The following ADAMTSL1 variants were observed in gnomAD, a reference collection of about 807,000 sequenced individuals.
ADAMTSL1 encodes the protein ADAMTS-like protein 1.
In ADAMTSL1, 126 loss-of-function variants were observed where a neutral mutation model predicts 201.8. The ratio of observed to expected loss-of-function variants is 0.62; its 90% CI spans 0.54 to 0.72. The LOEUF (loss-of-function observed/expected upper bound fraction) is 0.72, where lower values mean the gene tolerates loss of function less well. Among genes scored for constraint, ADAMTSL1 ranks in the 30% least tolerant of loss-of-function variants. The pLI is 0.00. For missense variants in ADAMTSL1, 2,679 were observed against 2,277.8 expected (o/e 1.18, Z -3.59); for synonymous variants, 1,121 against 903.4 (o/e 1.24, Z -4.32).
chr9:18,095,486 G>A (rs1824210333), intron 1 of ADAMTSL1, among the ~76,000 whole-genome samples: 1 of 140,320 alleles, frequency 7.1e-6, no homozygotes, highest in African/African-American at 2.6e-5. Flanking sequence ...GCAGTGGCAC[G>A]ATTTTGGCTT....
chr9:18,389,345 A>C (rs1837948550), intron 2 of ADAMTSL1, among the ~76,000 whole-genome samples: 1 of 152,200 alleles, frequency 6.6e-6, no homozygotes, highest in East Asian at 1.9e-4. Flanking sequence ...TAATGTACAT[A>C]ACTCAATGTC....
At chr9:18,796,971 C>T (rs531505506) in intron 20 of ADAMTSL1, among the ~76,000 whole-genome samples, 3 of 152,298 alleles carry the variant, frequency 2.0e-5, no homozygotes, top group East Asian at 1.9e-4. Flanking sequence ...CTATCACAGA[C>T]TAAATGCCCT....
chr9:18,083,473 C>G (rs1823605986), intron 1 of ADAMTSL1, among the ~76,000 whole-genome samples: 1 of 152,162 alleles, frequency 6.6e-6, no homozygotes, highest in African/African-American at 2.4e-5. Flanking sequence ...ATACATCACC[C>G]AAGAAAAATG....
At chr9:18,267,672 C>T (rs1268033612) in intron 2 of ADAMTSL1, among the ~76,000 whole-genome samples, 12 of 150,810 alleles carry the variant, frequency 8.0e-5, no homozygotes, top group Non-Finnish European at 1.8e-4. Flanking sequence ...TCCCAACTCA[C>T]CTTTAATAAG....
At chr9:18,125,512 A>T (rs1825696066) in intron 1 of ADAMTSL1, among the ~76,000 whole-genome samples, 1 of 152,192 alleles carries the variant, frequency 6.6e-6, no homozygotes, top group African/African-American at 2.4e-5. Flanking sequence ...ATCCAAGGTC[A>T]TGAAAATTTA....
intron 4 of ADAMTSL1, among the ~76,000 whole-genome samples, chr9:18,589,748 T>C (rs574498972): frequency 6.6e-6 from 1 of 152,308 alleles, no homozygotes; most frequent in South Asian, 2.1e-4. Context: ...TTTCCTTCTA[T>C]ACCCAATTTG....
intron 2 of ADAMTSL1, among the ~76,000 whole-genome samples, chr9:18,383,594 G>A (rs1375270139): frequency 6.6e-6 from 1 of 152,108 alleles, no homozygotes; most frequent in Non-Finnish European, 1.5e-5. Context: ...ATGAATAACA[G>A]ATGTGAGGCT....
intron 2 of ADAMTSL1, among the ~76,000 whole-genome samples, chr9:18,199,298 G>C (rs529475679): frequency 6.6e-6 from 1 of 151,922 alleles, no homozygotes; most frequent in Non-Finnish European, 1.5e-5. Context: ...TTCTCTGTTA[G>C]GATAGTCTCA....
chr9:18,342,056 A>C (rs986343463), intron 2 of ADAMTSL1, among the ~76,000 whole-genome samples: 6 of 152,138 alleles, frequency 3.9e-5, no homozygotes, highest in Admixed American at 3.9e-4. Context: ...CCAAATAATG[A>C]ATTAGGTAAA....
intron 20 of ADAMTSL1, among the ~76,000 whole-genome samples, chr9:18,802,266 G>A (rs1032613253): frequency 2.0e-5 from 3 of 151,834 alleles, no homozygotes; most frequent in African/African-American, 7.3e-5. Context: ...GTAAGACCCT[G>A]TCTCCAAAAA....
chr9:17,959,403 T>G (rs987346477), intron 1 of ADAMTSL1, among the ~76,000 whole-genome samples: 1 of 152,160 alleles, frequency 6.6e-6, no homozygotes, highest in Non-Finnish European at 1.5e-5. Flanking sequence ...CTTTACTGGG[T>G]ATTTGAAATA....
rs1353751679 is a variant in ADAMTSL1 at position 17,953,070 on chromosome 9, CAT to C, written c.87+46152_87+46153del. Reference sequence around the variant, plus strand: ...TGGAATCACACTGACTGTTTACATTCATATAGGTAAAAATGACATGATACTGC... The same window carrying C: ...TGGAATCACACTGACTGTTTACATTCATAGGTAAAAATGACATGATACTGC... On this transcript the variant is annotated intron_variant, in intron 1 of 29. Coordinates refer to the ADAMTSL1 transcript ENST00000680146. Among the ~76,000 whole-genome samples the C allele has an allele frequency of 2.7e-5, 4 of 150,224 alleles. No homozygotes were observed. The East Asian group carries it at 7.9e-4, about 30-fold the overall frequency.
chr9:18,759,451 A>G (rs1229098063), intron 16 of ADAMTSL1, among the ~76,000 whole-genome samples: 1 of 152,246 alleles, frequency 6.6e-6, no homozygotes, highest in Non-Finnish European at 1.5e-5. Flanking sequence ...GCAGAGTCAC[A>G]TAGTAATCAG....
chr9:18,519,405 C>A (rs1445117246), intron 2 of ADAMTSL1, among the ~76,000 whole-genome samples: 1 of 152,198 alleles, frequency 6.6e-6, no homozygotes, highest in Non-Finnish European at 1.5e-5. Flanking sequence ...TCTCCCATCA[C>A]ATTCTTGGGA....
At chr9:18,450,697 T>C (rs1439327992) in intron 2 of ADAMTSL1, among the ~76,000 whole-genome samples, 1 of 151,406 alleles carries the variant, frequency 6.6e-6, no homozygotes, top group Non-Finnish European at 1.5e-5. Flanking sequence ...TTACCAAACT[T>C]ACCAAACTCC....
chr9:18,031,446 T>C (rs1205889365), intron 1 of ADAMTSL1, among the ~76,000 whole-genome samples: 1 of 152,222 alleles, frequency 6.6e-6, no homozygotes, highest in East Asian at 1.9e-4. Flanking sequence ...GTAGATTGCT[T>C]CCTGCATTGG....
chr9:18,045,677 A>G (rs1821626779), intron 1 of ADAMTSL1, among the ~76,000 whole-genome samples: 1 of 151,586 alleles, frequency 6.6e-6, no homozygotes. Flanking sequence ...ACTCTATTTT[A>G]CCCTCACATT....
chr9:18,711,180 A>G (rs760780699), intron 14 of ADAMTSL1, among the ~76,000 whole-genome samples: 10 of 152,262 alleles, frequency 6.6e-5, no homozygotes, highest in Non-Finnish European at 1.3e-4. Context: ...ATACATGACT[A>G]TAAACATTGT....
chr9:18,622,206 G>A (rs1208914048), intron 4 of ADAMTSL1, 37 bp from the exon 5 acceptor site: 6 of 1,607,614 alleles, frequency 3.7e-6, no homozygotes, highest in Non-Finnish European at 5.1e-6. Context: ...CCATCGGTAG[G>A]TGCTTGGTTG....
Sources: allele counts gnomAD v4.1 joint callset (sites outside exome capture counted in the v4.1 genomes callset), GRCh38; gene constraint gnomAD v4.1.1; transcripts MANE v1.5; gene names NCBI Gene and HGNC (gene_info 2026-07-23, HGNC 2026-07-21).